The following GABRB2 variants were observed in gnomAD, a reference collection of about 807,000 sequenced individuals.
GABRB2 encodes the protein gamma-aminobutyric acid type A receptor subunit beta2.
A neutral mutation model predicts 54.7 loss-of-function variants in GABRB2; 16 were observed. The ratio of observed to expected loss-of-function variants is 0.29; its 90% CI spans 0.20 to 0.44. GABRB2 has a LOEUF of 0.44. Among genes scored for constraint, GABRB2 ranks in the 20% least tolerant of loss-of-function variants. GABRB2 has a pLI of 1.00. For synonymous variants in GABRB2, 244 were observed against 233.8 expected (o/e 1.04, Z -0.40); for missense variants, 355 against 644.0 (o/e 0.55, Z 4.86).
intron 3 of GABRB2, among the ~76,000 whole-genome samples, chr5:161,488,338 G>C (rs994971056): frequency 1.4e-4 from 21 of 151,438 alleles, no homozygotes; most frequent in African/African-American, 4.8e-4. Context: ...AGTCCTAGGA[G>C]TATGTTTTGG....
intron 8 of GABRB2, among the ~76,000 whole-genome samples, chr5:161,328,002 C>A (rs2113392449): frequency 6.6e-6 from 1 of 152,194 alleles, no homozygotes; most frequent in South Asian, 2.1e-4. Flanking sequence ...GCTGGGTGAA[C>A]AAAGAAATAG....
At chr5:161,427,438 G>A (rs935388095) in intron 4 of GABRB2, among the ~76,000 whole-genome samples, 1 of 152,086 alleles carries the variant, frequency 6.6e-6, no homozygotes, top group East Asian at 1.9e-4. Context: ...TGGAGATGAT[G>A]GGTAAAGAAT....
chr5:161,453,455 G>T (rs1757852434), intron 4 of GABRB2, among the ~76,000 whole-genome samples: 1 of 152,138 alleles, frequency 6.6e-6, no homozygotes, highest in Non-Finnish European at 1.5e-5. Context: ...AATGGGATTA[G>T]TGCCCATAGT....
At chr5:161,438,030 G>A (rs1757359887) in intron 4 of GABRB2, among the ~76,000 whole-genome samples, 1 of 152,198 alleles carries the variant, frequency 6.6e-6, no homozygotes, top group Non-Finnish European at 1.5e-5. Flanking sequence ...TGATTGTAGA[G>A]GGTTAGGGCC....
intron 5 of GABRB2, among the ~76,000 whole-genome samples, chr5:161,398,588 A>T (rs995331371): frequency 6.6e-6 from 1 of 151,912 alleles, no homozygotes; most frequent in Non-Finnish European, 1.5e-5. Context: ...AAACACACTA[A>T]ACACTGCTTG....
rs1759675255 is a variant in GABRB2, at chr5:161,508,563, A to C, written c.237+36664T>G. ...ATGTTCCTCCTCTCAAGTTGTTGCC[A>C]CTTTAACAAGTAGATAGACATTAAA... On this transcript the variant is annotated intron_variant, in intron 3 of 9. Coordinates refer to ENST00000393959, the MANE Select transcript of GABRB2 (RefSeq NM_001371727.1). Among the ~76,000 whole-genome samples the C allele has an allele frequency of 1.3e-5, 2 of 151,872 alleles. 1 individual carries two copies. The highest frequency in any genetic ancestry group is 4.1e-4 in the South Asian group (2 of 4,824).
At chr5:161,326,526 T>C (rs1191785543) in intron 8 of GABRB2, 45 bp from the exon 9 acceptor site, 1 of 1,595,300 alleles carries the variant, frequency 6.3e-7, no homozygotes, top group Non-Finnish European at 8.5e-7. Flanking sequence ...CGATTGATGC[T>C]ACTAGATTAG....
intron 3 of GABRB2, among the ~76,000 whole-genome samples, chr5:161,522,773 C>A (rs987013864): frequency 6.6e-6 from 1 of 151,486 alleles, no homozygotes; most frequent in African/African-American, 2.4e-5. Flanking sequence ...TGTCCTGAAT[C>A]GTAGCCCAGT....
At chr5:161,305,606 A>T (rs1449025415) in intron 9 of GABRB2, among the ~76,000 whole-genome samples, 1 of 152,228 alleles carries the variant, frequency 6.6e-6, no homozygotes, top group Admixed American at 6.5e-5. Context: ...GGAGAGAGAT[A>T]ACTGATCTAA....
intron 3 of GABRB2, among the ~76,000 whole-genome samples, chr5:161,512,499 T>C (rs1000306894): frequency 3.9e-5 from 6 of 152,040 alleles, no homozygotes; most frequent in African/African-American, 1.4e-4. Context: ...GGTGCTGGGA[T>C]AGCTGGCTAG....
intron 5 of GABRB2, among the ~76,000 whole-genome samples, chr5:161,402,420 C>T (rs189033909): frequency 3.0e-4 from 46 of 152,106 alleles, no homozygotes; most frequent in Middle Eastern, 3.4e-3. Flanking sequence ...TTACCTTTCC[C>T]GCCCTACTCC....
chr5:161,406,338 A>G (rs981918918), intron 5 of GABRB2, among the ~76,000 whole-genome samples: 1 of 152,038 alleles, frequency 6.6e-6, no homozygotes, highest in Non-Finnish European at 1.5e-5. Context: ...GGAAGTAGAT[A>G]GCACTACAGA....
chr5:161,529,722 T>A (rs1180822137), intron 3 of GABRB2, among the ~76,000 whole-genome samples: 1 of 152,088 alleles, frequency 6.6e-6, no homozygotes, highest in Non-Finnish European at 1.5e-5. Context: ...AAAGTTCTAA[T>A]GTAATTTTTT....
intron 3 of GABRB2, among the ~76,000 whole-genome samples, chr5:161,523,247 C>T (rs1760172627): frequency 1.3e-5 from 2 of 151,508 alleles, no homozygotes; most frequent in Admixed American, 6.6e-5. Flanking sequence ...AGTGAAAATA[C>T]ATGCATCCTA....
chr5:161,503,343 A>C (rs567496109), intron 3 of GABRB2, among the ~76,000 whole-genome samples: 1 of 152,310 alleles, frequency 6.6e-6, no homozygotes, highest in Non-Finnish European at 1.5e-5. Context: ...ATCTTCAATA[A>C]GCATGGCAGA....
At chr5:161,520,268 A>G (rs1467408451) in intron 3 of GABRB2, among the ~76,000 whole-genome samples, 1 of 152,132 alleles carries the variant, frequency 6.6e-6, no homozygotes, top group African/African-American at 2.4e-5. Flanking sequence ...ATGTCAGATT[A>G]CTTGTGTCAT....
At chr5:161,319,597 A>G (rs1176216295) in intron 9 of GABRB2, among the ~76,000 whole-genome samples, 3 of 151,480 alleles carry the variant, frequency 2.0e-5, no homozygotes, top group Non-Finnish European at 3.0e-5. Flanking sequence ...AATGTTCACC[A>G]GTTAAGTGGG....
At chr5:161,342,128 G>T (rs1405713816) in intron 5 of GABRB2, among the ~76,000 whole-genome samples, 1 of 151,054 alleles carries the variant, frequency 6.6e-6, no homozygotes, top group East Asian at 1.9e-4. Context: ...TGTTAATTTT[G>T]TCATCATAAC....
chr5:161,327,119 A>G (rs1758390861), intron 8 of GABRB2: 1 of 286,876 alleles, frequency 3.5e-6, no homozygotes. Context: ...CTCTCCTAGC[A>G]TTAGAATAAA....
Sources: allele counts gnomAD v4.1 joint callset (sites outside exome capture counted in the v4.1 genomes callset), GRCh38; gene constraint gnomAD v4.1.1; transcripts MANE v1.5; gene names NCBI Gene and HGNC (gene_info 2026-07-23, HGNC 2026-07-21).